The following NLGN4X variants were observed in gnomAD, a reference collection of about 807,000 sequenced individuals.
NLGN4X encodes neuroligin-4, X-linked.
In NLGN4X, 3 loss-of-function variants were observed where a neutral mutation model predicts 40.3. The ratio of observed to expected loss-of-function variants is 0.07; its 90% CI spans 0.03 to 0.19. NLGN4X has a LOEUF of 0.19. NLGN4X is among the 10% of genes least tolerant of loss of function. The pLI is 1.00. For synonymous variants in NLGN4X, 270 were observed against 306.8 expected, an observed-to-expected ratio of 0.88 and a Z score of 1.25; for missense variants, 382 against 708.3, an observed-to-expected ratio of 0.54 and a Z score of 5.23.
intron 1 of NLGN4X, among the ~76,000 whole-genome samples, chrX:6,152,480 G>A (rs1051666855): frequency 8.9e-6 from 1 of 112,076 alleles, no homozygotes; most frequent in African/African-American, 3.2e-5. Flanking sequence ...ATTTTCCTAA[G>A]GAGACATGCA....
chrX:5,914,826 G>A (rs187423168), intron 3 of NLGN4X, among the ~76,000 whole-genome samples: 2 of 111,914 alleles, frequency 1.8e-5, no homozygotes, highest in East Asian at 5.6e-4. Flanking sequence ...TGGTTAGAAT[G>A]AAAGCAGAAG....
intron 1 of NLGN4X, among the ~76,000 whole-genome samples, chrX:6,215,478 G>A (rs1264543824): frequency 7.3e-5 from 8 of 109,120 alleles, no homozygotes; most frequent in African/African-American, 2.7e-4. Context: ...GAACCTGGGA[G>A]GCAGAGGTTG....
At chrX:5,971,500 A>G (rs1180451830) in intron 3 of NLGN4X, among the ~76,000 whole-genome samples, 2 of 111,831 alleles carry the variant, frequency 1.8e-5, no homozygotes, top group Non-Finnish European at 3.8e-5. Context: ...AGTTTGAAAC[A>G]GCTCCTAATA....
chrX:6,082,968 TTTTTTTTTTGA>T, intron 2 of NLGN4X, among the ~76,000 whole-genome samples: 1 of 89,971 alleles, frequency 1.1e-5, no homozygotes, highest in Admixed American at 1.2e-4. Context: ...TTTTTTTTTT[TTTTTTTTTTGA>T]GACGGAGTCT....
chrX:6,174,647 C>T (rs1224819876), intron 1 of NLGN4X, among the ~76,000 whole-genome samples: 3 of 112,054 alleles, frequency 2.7e-5, no homozygotes, highest in African/African-American at 9.7e-5. Flanking sequence ...CTTGCAGAAA[C>T]ATGGATACTG....
chrX:5,990,781 G>A (rs1225806055), intron 3 of NLGN4X, among the ~76,000 whole-genome samples: 1 of 111,077 alleles, frequency 9.0e-6, no homozygotes, highest in African/African-American at 3.3e-5. Flanking sequence ...GGGGAAGGAG[G>A]AGAGGGTTGA....
chrX:6,074,634 G>C (rs1295177039), intron 2 of NLGN4X, among the ~76,000 whole-genome samples: 1 of 111,661 alleles, frequency 9.0e-6, no homozygotes, highest in African/African-American at 3.3e-5. Flanking sequence ...CGTAGCAATG[G>C]CAGGCAGTAG....
intron 1 of NLGN4X, chrX:6,187,647 T>G (rs969089116): frequency 1.8e-5 from 2 of 112,490 alleles, no homozygotes; most frequent in African/African-American, 6.5e-5. Context: ...CTTTTCCTTC[T>G]TTCTTGTACT....
intron 2 of NLGN4X, among the ~76,000 whole-genome samples, chrX:6,033,115 C>G (rs1198289476): frequency 1.8e-5 from 2 of 111,445 alleles, no homozygotes; most frequent in African/African-American, 6.5e-5. Context: ...TTCCCACATT[C>G]TTTAAAGAAA....
At chrX:5,973,750 G>GA (rs1449722500) in intron 3 of NLGN4X, among the ~76,000 whole-genome samples, 3 of 111,011 alleles carry the variant, frequency 2.7e-5, no homozygotes, top group Non-Finnish European at 5.7e-5. Flanking sequence ...GTGAACCCGG[G>GA]AGGCGGAGCT....
intron 3 of NLGN4X, among the ~76,000 whole-genome samples, chrX:6,004,023 G>A (rs1343158650): frequency 8.9e-6 from 1 of 112,550 alleles, no homozygotes; most frequent in Non-Finnish European, 1.9e-5. Flanking sequence ...GGAAGCAGCC[G>A]GCTAGTTCCA....
intron 1 of NLGN4X, among the ~76,000 whole-genome samples, chrX:6,179,099 A>AAGGAAGGAAGG (rs1921123557): frequency 3.8e-5 from 3 of 78,200 alleles, no homozygotes; most frequent in African/African-American, 1.9e-4. Flanking sequence ...ACCCTGAAAA[A>AAGGAAGGAAGG]AAGGAAGGAA....
intron 2 of NLGN4X, among the ~76,000 whole-genome samples, chrX:6,147,622 T>C (rs1033478442): frequency 8.3e-5 from 9 of 108,753 alleles, no homozygotes; most frequent in Non-Finnish European, 1.7e-4. Context: ...CATTGCTTCC[T>C]CAAAGTAGTC....
intron 1 of NLGN4X, among the ~76,000 whole-genome samples, chrX:6,177,807 T>C (rs1374850455): frequency 9.0e-6 from 1 of 110,706 alleles, no homozygotes; most frequent in Non-Finnish European, 1.9e-5. Context: ...CCCTCCAAAT[T>C]CCTATGTTGA....
At chrX:6,184,616 A>G (rs1261181179) in intron 1 of NLGN4X, among the ~76,000 whole-genome samples, 5 of 111,238 alleles carry the variant, frequency 4.5e-5, no homozygotes, top group Non-Finnish European at 3.8e-5. Context: ...AAAAAAATTC[A>G]TAAGACATTG....
intron 2 of NLGN4X, among the ~76,000 whole-genome samples, chrX:6,045,465 A>C (rs2037293712): frequency 1.8e-5 from 2 of 111,805 alleles, no homozygotes; most frequent in Non-Finnish European, 3.8e-5. Flanking sequence ...AGCGTAAAAT[A>C]TTAAATTAAA....
At chrX:5,997,648 A>G (rs1365423240) in intron 3 of NLGN4X, among the ~76,000 whole-genome samples, 3 of 104,270 alleles carry the variant, frequency 2.9e-5, no homozygotes, top group Admixed American at 1.1e-4. Context: ...GTATATATAT[A>G]TATATATAAT....
intron 5 of NLGN4X, among the ~76,000 whole-genome samples, chrX:5,895,557 ATACT>A (rs1238405348): frequency 9.0e-6 from 1 of 111,372 alleles, no homozygotes; most frequent in South Asian, 3.8e-4. Context: ...TTTATACTGC[ATACT>A]AACTATATAC....
intron 2 of NLGN4X, among the ~76,000 whole-genome samples, chrX:6,148,964 C>T (rs1186018594): frequency 8.9e-6 from 1 of 111,908 alleles, no homozygotes; most frequent in African/African-American, 3.2e-5. Context: ...GTTTACACAT[C>T]GTGGGGAGAT....
Sources: allele counts gnomAD v4.1 joint callset (sites outside exome capture counted in the v4.1 genomes callset), GRCh38; gene constraint gnomAD v4.1.1; transcripts MANE v1.5; gene names NCBI Gene and HGNC (gene_info 2026-07-23, HGNC 2026-07-21).